The following GATA3 variants were observed in gnomAD, a reference collection of about 807,000 sequenced individuals.
The protein encoded by GATA3 is GATA binding protein 3.
GATA3 carries 6 observed loss-of-function variants against 36.0 expected under a neutral mutation model. That is an observed-to-expected ratio of 0.17 (90% CI 0.09 to 0.33). The LOEUF is 0.33. GATA3 is among the 10% of genes least tolerant of loss of function. The pLI is 1.00. For synonymous variants in GATA3, 326 were observed against 273.0 expected, an observed-to-expected ratio of 1.19 and a Z score of -1.92; for missense variants, 514 against 610.1, an observed-to-expected ratio of 0.84 and a Z score of 1.66.
upstream of GATA3, among the ~76,000 whole-genome samples, chr10:8,051,799 T>G (rs1265393839): frequency 7.1e-6 from 1 of 141,476 alleles, no homozygotes; most frequent in Non-Finnish European, 1.5e-5. Flanking sequence ...CCCGGCCTGC[T>G]CTTGCCGGCG....
At chr10:8,061,853 C>T (rs950337303) in intron 3 of GATA3, among the ~76,000 whole-genome samples, 3 of 152,232 alleles carry the variant, frequency 2.0e-5, no homozygotes, top group Non-Finnish European at 2.9e-5. Flanking sequence ...CAACCACGCT[C>T]CCCGCCTCCA....
chr10:8,055,808 T>C lies in GATA3; in HGVS notation c.153T>C (p.Phe51=). 6.3e-7 allele frequency: 1 copy of C among 1,593,470 alleles called. No individual in the cohort carries two copies. ...TGCCGGAGGAGGTGGATGTGCTTTT[T>C]AACATCGACGGTCAAGGCAACCACG... The part of the protein sequence containing the change: ...YPLPEEVDVL[F]NIDGQGNHVP... The change falls in exon 2 of 6, where the codon TTT becomes TTC. Residue 51 remains phenylalanine (F), a synonymous_variant. Coordinates refer to ENST00000379328, the MANE Select transcript of GATA3 (RefSeq NM_001002295.2). The surrounding 1 kb of genome is among the most constrained non-coding windows in gnomAD (Gnocchi z 5.4).
chr10:8,054,030 G>C (rs1283455878), upstream of GATA3, among the ~76,000 whole-genome samples: 1 of 152,170 alleles, frequency 6.6e-6, no homozygotes, highest in Non-Finnish European at 1.5e-5. This position sits in a 1 kb window ranked among gnomAD's most constrained non-coding sequence, Gnocchi z 4.2. Context: ...AGCGCAGAAG[G>C]CTCGGGAAAG....
At chr10:8,058,926 A>T in intron 3 of GATA3, 85 bp downstream of exon 3, 2 of 1,334,314 alleles carry the variant, frequency 1.5e-6, no homozygotes, top group Non-Finnish European at 2.1e-6. Flanking sequence ...GGGACCCCTC[A>T]GGGGAGCCGG....
At chr10:8,056,007 G>A in intron 2 of GATA3, 111 bp downstream of exon 2, 1 of 1,403,286 alleles carries the variant, frequency 7.1e-7, no homozygotes, top group African/African-American at 1.4e-5. Flanking sequence ...GCCCCCATCT[G>A]CCGTTCCTGG....
At chr10:8,056,404 C>G (rs1287125981) in intron 2 of GATA3, among the ~76,000 whole-genome samples, 3 of 152,200 alleles carry the variant, frequency 2.0e-5, no homozygotes, top group Non-Finnish European at 4.4e-5. Flanking sequence ...CCTCAATTCG[C>G]ACATTTTCAG....
intron 4 of GATA3, among the ~76,000 whole-genome samples, chr10:8,068,476 C>T (rs555454315): frequency 6.6e-6 from 1 of 152,136 alleles, no homozygotes. Context: ...AAAGCACAGA[C>T]TGTGGTGGCT....
At chr10:8,052,587 C>T (rs1380981130), upstream of GATA3, 3 of 152,236 alleles carry the variant, frequency 2.0e-5, no homozygotes, top group Non-Finnish European at 4.4e-5. Flanking sequence ...GTGGCGCATC[C>T]ACCCCTCGAT....
At position 8,074,994 on chromosome 10, in the gene GATA3, C is replaced by A; in HGVS notation, c.*971C>A. On this transcript the variant is annotated 3_prime_UTR_variant, in exon 6 of 6. Transcript: ENST00000379328. Reference sequence around the variant, plus strand: ...GAGTCCGGCGGCATCTGTCTTGTCCCTATTCCTGCAGCCTGTGCTGAGGGT... The same window carrying A: ...GAGTCCGGCGGCATCTGTCTTGTCCATATTCCTGCAGCCTGTGCTGAGGGT... 1 of 233,432 alleles carries A rather than the reference C, an allele frequency of 4.3e-6. No individual in the cohort carries two copies. The highest frequency in any genetic ancestry group is 8.5e-6 in the Non-Finnish European group (1 of 118,016). The allele number at this position is 233,432 out of a possible 1,614,324, so 14.5% of individuals were successfully genotyped here.
At chr10:8,052,899 G>T (rs546838707), upstream of GATA3, 5 of 109,152 alleles carry the variant, frequency 4.6e-5, no homozygotes, top group Middle Eastern at 3.9e-3. Context: ...AAACGTGGCG[G>T]GGGGGGGGGG....
At chr10:8,065,978 AAAAGAGAG>A (rs1436409431) in intron 4 of GATA3, among the ~76,000 whole-genome samples, 4 of 147,616 alleles carry the variant, frequency 2.7e-5, no homozygotes, top group Non-Finnish European at 6.0e-5. Flanking sequence ...AAAAAAAAAA[AAAAGAGAG>A]AGAGAGAGAG....
At chr10:8,046,392 C>A (rs1832387232) in intron 1 of GATA3, among the ~76,000 whole-genome samples, 1 of 152,194 alleles carries the variant, frequency 6.6e-6, no homozygotes, top group African/African-American at 2.4e-5. Flanking sequence ...GCATCTCCCT[C>A]GGCTTCGTTC....
chr10:8,066,309 A>T (rs1032563943), intron 4 of GATA3, among the ~76,000 whole-genome samples: 1 of 152,092 alleles, frequency 6.6e-6, no homozygotes, highest in African/African-American at 2.4e-5. Context: ...GAGTTCAATG[A>T]CTGTCACATT....
chr10:8,061,763 C>T (rs11567944), intron 3 of GATA3, among the ~76,000 whole-genome samples: 1,832 of 152,338 alleles, frequency 0.012, 25 homozygotes, highest in Non-Finnish European at 0.016. Flanking sequence ...CTCCCCACCA[C>T]CCTGCAAATG....
intron 1 of GATA3, among the ~76,000 whole-genome samples, chr10:8,046,802 G>A (rs1832394282): frequency 6.6e-6 from 1 of 152,190 alleles, no homozygotes; most frequent in African/African-American, 2.4e-5. Context: ...CCCATTGGGT[G>A]TCGGGTCGCA....
Position 8,058,358 on chromosome 10 carries a change from G to A in GATA3, c.295G>A (p.Gly99Ser), listed in dbSNP as rs768583935. The A allele has an allele frequency of 8.7e-6, 14 of 1,613,136 alleles. No individual in the cohort carries two copies. Among genetic ancestry groups the A allele is most frequent in the Non-Finnish European group, 1.2e-5 (14 of 1,180,008 alleles). ...LLHGSLPWLD[G>S]GKALGSHHTA... ...TCATGGATCCCTACCCTGGCTGGAC[G>A]GCGGCAAAGCCCTGGGCAGCCACCA... Residue 99 changes from glycine to serine, a missense_variant, in exon 3 of 6, where the codon GGC becomes AGC. This residue lies in a region of GATA3 where 381 missense variants were observed against 354.3 expected (regional missense o/e 1.08). Transcript: ENST00000379328.
upstream of GATA3, among the ~76,000 whole-genome samples, chr10:8,048,761 C>A (rs1832423201): frequency 6.6e-6 from 1 of 152,252 alleles, no homozygotes; most frequent in Non-Finnish European, 1.5e-5. Flanking sequence ...CCACTCGCCT[C>A]ACGTGTGAGT....
At chr10:8,069,928 C>G (rs1434869841) in intron 5 of GATA3, among the ~76,000 whole-genome samples, 1 of 152,042 alleles carries the variant, frequency 6.6e-6, no homozygotes, top group Non-Finnish European at 1.5e-5. Context: ...AAAAAAGCCA[C>G]CGGTCCTATT....
chr10:8,072,385 A>G lies in GATA3; in HGVS notation c.1051-1354A>G, dbSNP rs11567938. Among the ~76,000 whole-genome samples, 91 of 152,300 alleles carry G rather than the reference A, an allele frequency of 6.0e-4. 1 individual carries two copies. In the East Asian group the frequency reaches 0.011, roughly 18 times the overall value. On this transcript the variant is annotated intron_variant, in intron 5 of 5. Coordinates refer to ENST00000379328, the MANE Select transcript of GATA3 (RefSeq NM_001002295.2). Reference sequence around the variant, plus strand: ...AGTCAGGAATGGCCAGGACACTGACATTCACTCCTTGAGTCTGTTTGCCAC... The same window carrying G: ...AGTCAGGAATGGCCAGGACACTGACGTTCACTCCTTGAGTCTGTTTGCCAC...
Sources: allele counts gnomAD v4.1 joint callset (sites outside exome capture counted in the v4.1 genomes callset), GRCh38; gene constraint gnomAD v4.1.1; regional missense constraint gnomAD v4.1.1; non-coding constraint Gnocchi (gnomAD v3.1); transcripts MANE v1.5; gene names NCBI Gene and HGNC (gene_info 2026-07-23, HGNC 2026-07-21).